Variants in CAMK4 observed in about 807,000 individuals in gnomAD.
CAMK4 encodes the protein calcium/calmodulin-dependent protein kinase type IV.
In CAMK4, 22 loss-of-function variants were observed where a neutral mutation model predicts 44.9. The ratio of observed to expected loss-of-function variants is 0.49; its 90% CI spans 0.35 to 0.70. The LOEUF is 0.70. CAMK4 is among the 30% of genes least tolerant of loss of function. CAMK4 has a pLI of 0.01. For missense variants in CAMK4, 498 were observed against 586.8 expected (o/e 0.85, Z 1.56); for synonymous variants, 218 against 215.4 (o/e 1.01, Z -0.11).
At chr5:111,395,189 G>A (rs1346724540) in intron 5 of CAMK4, among the ~76,000 whole-genome samples, 5 of 124,366 alleles carry the variant, frequency 4.0e-5, no homozygotes, top group African/African-American at 1.2e-4. Flanking sequence ...AAGCCTGGAC[G>A]AGAGAGAGAG....
intron 1 of CAMK4, among the ~76,000 whole-genome samples, chr5:111,340,079 C>A (rs1017222075): frequency 1.3e-5 from 2 of 151,036 alleles, no homozygotes; most frequent in Non-Finnish European, 3.0e-5. Flanking sequence ...TTGTATCCTG[C>A]AACTTTACTG....
chr5:111,325,062 A>G (rs561445283), intron 1 of CAMK4, among the ~76,000 whole-genome samples: 5 of 151,212 alleles, frequency 3.3e-5, no homozygotes, highest in South Asian at 2.1e-4. Flanking sequence ...TTGTGTTCTC[A>G]TCGTTCAACT....
intron 8 of CAMK4, among the ~76,000 whole-genome samples, chr5:111,475,885 C>T (rs146157671): frequency 1.3e-3 from 197 of 152,278 alleles, no homozygotes; most frequent in Non-Finnish European, 2.6e-3. Flanking sequence ...ACTATGACCT[C>T]TAACATCTCA....
Position 111,473,333 on chromosome 5 carries a change from T to C in CAMK4, c.648T>C (p.Cys216=), listed in dbSNP as rs1427823035. Residue 216 remains cysteine (C), a synonymous_variant, in exon 8 of 11, where the codon TGT becomes TGC. Coordinates refer to ENST00000282356, the MANE Select transcript of CAMK4 (RefSeq NM_001744.6). ...GYCAPEILRG[C]AYGPEVDMWS... is the part of the protein sequence containing the mutation. ...CAGCACCTGAAATTCTTAGAGGTTG[T>C]GCCTATGGACCTGAGGTGGACATGT... is the stretch of plus-strand genomic sequence containing the variant. The C allele has an allele frequency of 1.2e-6, 2 of 1,612,488 alleles. No individual in the cohort carries two copies. Among genetic ancestry groups the C allele is most frequent in the African/African-American group, 1.3e-5 (1 of 74,886 alleles).
intron 1 of CAMK4, among the ~76,000 whole-genome samples, chr5:111,312,470 G>A (rs781002199): frequency 6.6e-5 from 10 of 152,148 alleles, no homozygotes; most frequent in Non-Finnish European, 1.0e-4. Flanking sequence ...GCCTGGCTGT[G>A]AGTAACTGGG....
At chr5:111,454,573 A>G (rs1457791598) in intron 7 of CAMK4, among the ~76,000 whole-genome samples, 1 of 151,758 alleles carries the variant, frequency 6.6e-6, no homozygotes, top group Non-Finnish European at 1.5e-5. Flanking sequence ...GTGTTCAAAA[A>G]TAACCCATGA....
At chr5:111,402,527 C>A (rs1315686214) in intron 5 of CAMK4, among the ~76,000 whole-genome samples, 2 of 152,286 alleles carry the variant, frequency 1.3e-5, no homozygotes, top group East Asian at 3.9e-4. Context: ...ATTATTCAAC[C>A]TTACATTATC....
At chr5:111,449,009 A>G (rs1477227106) in intron 6 of CAMK4, 120 bp from the exon 7 acceptor site, 7 of 524,896 alleles carry the variant, frequency 1.3e-5, no homozygotes, top group Admixed American at 3.5e-5. Flanking sequence ...CCTTCACCCC[A>G]TCATCAAATA....
chr5:111,298,737 C>T (rs933726126), intron 1 of CAMK4, among the ~76,000 whole-genome samples: 1 of 152,230 alleles, frequency 6.6e-6, no homozygotes, highest in East Asian at 1.9e-4. Flanking sequence ...GCATGGCGCT[C>T]CTCCTGTTAA....
At chr5:111,347,725 C>T (rs1169044200) in intron 2 of CAMK4, among the ~76,000 whole-genome samples, 1 of 151,998 alleles carries the variant, frequency 6.6e-6, no homozygotes, top group Non-Finnish European at 1.5e-5. Context: ...GGGACCCACC[C>T]TACTCCAGTA....
At chr5:111,435,139 T>C (rs1753600530) in intron 5 of CAMK4, among the ~76,000 whole-genome samples, 1 of 152,224 alleles carries the variant, frequency 6.6e-6, no homozygotes, top group South Asian at 2.1e-4. Context: ...ATTTTGGTTA[T>C]TGCATTTTTT....
intron 8 of CAMK4, among the ~76,000 whole-genome samples, chr5:111,475,425 G>A (rs1490985374): frequency 2.0e-5 from 3 of 152,078 alleles, no homozygotes; most frequent in Non-Finnish European, 4.4e-5. Context: ...AATGTGGAAT[G>A]CATAAAACTT....
At chr5:111,354,636 G>T (rs1184873922) in intron 2 of CAMK4, among the ~76,000 whole-genome samples, 2 of 150,616 alleles carry the variant, frequency 1.3e-5, no homozygotes, top group African/African-American at 2.4e-5. Context: ...TTGAACCCGG[G>T]AGATGGAGGT....
chr5:111,460,202 A>T (rs1490401392), intron 7 of CAMK4, among the ~76,000 whole-genome samples: 2 of 151,904 alleles, frequency 1.3e-5, no homozygotes, highest in African/African-American at 2.4e-5. Context: ...ATTGATTATC[A>T]TCAGTGAGAA....
chr5:111,291,779 G>C (rs1406008140), intron 1 of CAMK4, among the ~76,000 whole-genome samples: 1 of 152,172 alleles, frequency 6.6e-6, no homozygotes, highest in African/African-American at 2.4e-5. Context: ...CTGAGGTTCT[G>C]TGACTAGAGG....
At chr5:111,230,854 T>C (rs1432356064) in intron 1 of CAMK4, among the ~76,000 whole-genome samples, 2 of 152,144 alleles carry the variant, frequency 1.3e-5, no homozygotes, top group Admixed American at 6.5e-5. Flanking sequence ...AAAAACTCTT[T>C]TGGGAAAGCT....
intron 1 of CAMK4, among the ~76,000 whole-genome samples, chr5:111,280,917 G>T (rs1441605752): frequency 6.6e-6 from 1 of 152,232 alleles, no homozygotes; most frequent in Non-Finnish European, 1.5e-5. Flanking sequence ...GATACCAACA[G>T]TGAGAAAAGC....
chr5:111,242,634 C>T (rs1749053546), intron 1 of CAMK4, among the ~76,000 whole-genome samples: 1 of 152,124 alleles, frequency 6.6e-6, no homozygotes, highest in South Asian at 2.1e-4. Context: ...CCATCCCATC[C>T]AGGATGTGAA....
chr5:111,312,678 T>C lies in CAMK4; in HGVS notation c.162-31346T>C, dbSNP rs1580571583. ...CAACCACAAATTAAATAAGATTCTTTAGGTTGTGCCTTCTAAGTCTTGTGG... is the reference window on the plus strand; with the variant it reads ...CAACCACAAATTAAATAAGATTCTTCAGGTTGTGCCTTCTAAGTCTTGTGG... On this transcript the variant is annotated intron_variant, in intron 1 of 10. Transcript: ENST00000282356. Among the ~76,000 whole-genome samples the C allele has an allele frequency of 2.0e-5, 3 of 152,274 alleles. No individual in the cohort carries two copies. The South Asian group carries it at 6.2e-4, about 32-fold the overall frequency.
Sources: gnomAD v4.1 joint callset for allele counts (sites outside exome capture counted in the v4.1 genomes callset) on GRCh38, gnomAD v4.1.1 for gene constraint, MANE v1.5 for transcripts, NCBI Gene and HGNC (gene_info 2026-07-23, HGNC 2026-07-21) for gene names.